SLC30A6: variants seen among roughly 807,000 people sequenced by gnomAD.
SLC30A6 encodes the protein solute carrier family 30 member 6.
SLC30A6 carries 55 observed loss-of-function variants against 63.0 expected under a neutral mutation model. That is an observed-to-expected ratio of 0.87 (90% CI 0.70 to 1.09). SLC30A6 has a LOEUF of 1.09. Ranked by LOEUF, SLC30A6 falls within the 50% of genes least tolerant of loss-of-function variation. SLC30A6 has a pLI of 0.00. For missense variants in SLC30A6, 587 were observed against 549.2 expected (o/e 1.07, Z -0.69); for synonymous variants, 224 against 186.1 (o/e 1.20, Z -1.66).
chr2:32,210,536 A>AAC (rs1685172858), intron 13 of SLC30A6, among the ~76,000 whole-genome samples: 1 of 141,140 alleles, frequency 7.1e-6, no homozygotes, highest in African/African-American at 2.6e-5. Flanking sequence ...AAAAAAAAAA[A>AAC]AACAACAGAA....
rs554951269 is a variant in SLC30A6 at position 32,180,520 on chromosome 2, C to A, written c.219-3753C>A. Reference sequence around the variant, plus strand: ...CTTGGCTCACTGCATGCAGCCTCCACCTCCCGGTCTCAAGCGATTCTCCTG... The same window carrying A: ...CTTGGCTCACTGCATGCAGCCTCCAACTCCCGGTCTCAAGCGATTCTCCTG... On this transcript the variant is annotated intron_variant, in intron 4 of 13. Coordinates refer to ENST00000282587, the MANE Select transcript of SLC30A6 (RefSeq NM_017964.5). Among the ~76,000 whole-genome samples, 10 of 152,270 alleles carry A rather than the reference C, an allele frequency of 6.6e-5. 1 individual carries two copies. In the South Asian group the frequency reaches 2.1e-3, roughly 32 times the overall value.
Position 32,192,820 on chromosome 2 carries a change from G to T in SLC30A6, c.366-98G>T, listed in dbSNP as rs541888864. On this transcript the variant is annotated intron_variant, in intron 6 of 13. Transcript: ENST00000282587. ...ATAGTTAATAGTTATAATATTAAAA[G>T]ATTTTGTGAACTTTAAGGTGGGTGA... 12 of 713,402 alleles carry T rather than the reference G, an allele frequency of 1.7e-5. No homozygotes were observed. In the African/African-American group the frequency reaches 2.2e-4, roughly 13 times the overall value. 44.2% of individuals were successfully genotyped at this position (713,402 alleles called of 1,614,324 possible).
At chr2:32,179,001 A>G (rs1264575506) in intron 4 of SLC30A6, among the ~76,000 whole-genome samples, 3 of 152,172 alleles carry the variant, frequency 2.0e-5, no homozygotes, top group Non-Finnish European at 2.9e-5. Flanking sequence ...GTGGTACCAC[A>G]GGCTTGTGCC....
At chr2:32,192,182 C>T (rs1683388077) in intron 5 of SLC30A6, among the ~76,000 whole-genome samples, 154 bp from the exon 6 acceptor site, 1 of 151,870 alleles carries the variant, frequency 6.6e-6, no homozygotes, top group Non-Finnish European at 1.5e-5. Flanking sequence ...TATTATTATT[C>T]TAGAAACCCT....
chr2:32,203,033 A>G, intron 10 of SLC30A6: 5 of 1,228,880 alleles, frequency 4.1e-6, no homozygotes, highest in Non-Finnish European at 4.8e-6. Context: ...ATCCACACAT[A>G]AAACAGAATG....
chr2:32,221,665 G>A lies in SLC30A6; in HGVS notation c.*952G>A, dbSNP rs549097313. On this transcript the variant is annotated 3_prime_UTR_variant, in exon 14 of 14. Transcript: ENST00000282587. ...GAAATTTTGGAATACATTCTATCTA[G>A]CACAATTTGAATTTTTAATTATCAA... is the stretch of plus-strand genomic sequence containing the variant. The A allele has an allele frequency of 9.2e-5, 14 of 152,164 alleles. No individual in the cohort carries two copies. The highest frequency in any genetic ancestry group is 2.0e-4 in the Admixed American group (3 of 15,278). The allele number at this position is 152,164 out of a possible 1,614,324, so 9.4% of individuals were successfully genotyped here. A position where few individuals can be genotyped will look rare whatever the true frequency, so the allele number is the denominator to read the frequency against.
chr2:32,188,608 C>CA (rs1483897193), intron 5 of SLC30A6, among the ~76,000 whole-genome samples: 1 of 152,258 alleles, frequency 6.6e-6, no homozygotes, highest in East Asian at 1.9e-4. Flanking sequence ...GCAGGAGAAT[C>CA]ACTTGAGACC....
In SLC30A6 at chr2:32,178,837, T is replaced by A. The variant is rs908278085; in HGVS notation, c.218+3476T>A. On this transcript the variant is annotated intron_variant, in intron 4 of 13. Transcript: ENST00000282587. The stretch of plus-strand genomic sequence containing the variant: ...TGTAGTAAGTTTTGAAATTGGAAAG[T>A]GTGGATATTCCAGCTTTGTTCTTTT... Among the ~76,000 whole-genome samples, 3 of 152,220 alleles carry A rather than the reference T, an allele frequency of 2.0e-5. No homozygotes were observed. In the East Asian group the frequency reaches 5.8e-4, roughly 29 times the overall value.
At chr2:32,171,402 T>G (rs768453562) in intron 2 of SLC30A6, 29 bp downstream of exon 2, 1 of 1,538,264 alleles carries the variant, frequency 6.5e-7, no homozygotes, top group Non-Finnish European at 9.0e-7. Context: ...CCAATTTTAA[T>G]TATTGCACAA....
At chr2:32,174,306 A>G (rs890379211) in intron 3 of SLC30A6, among the ~76,000 whole-genome samples, 159 bp downstream of exon 3, 1 of 152,094 alleles carries the variant, frequency 6.6e-6, no homozygotes, top group African/African-American at 2.4e-5. Flanking sequence ...GTAAACTGTA[A>G]ACTTTTGTTC....
chr2:32,212,717 C>T (rs1685358439), intron 13 of SLC30A6, among the ~76,000 whole-genome samples: 1 of 150,792 alleles, frequency 6.6e-6, no homozygotes, highest in Admixed American at 6.6e-5. Flanking sequence ...TCACCTCAGC[C>T]TCCCCAGTAG....
chr2:32,211,248 C>T (rs1289332690), intron 13 of SLC30A6, among the ~76,000 whole-genome samples: 1 of 152,170 alleles, frequency 6.6e-6, no homozygotes, highest in African/African-American at 2.4e-5. Context: ...GTGGGGGACC[C>T]ACCACACTAC....
intron 5 of SLC30A6, among the ~76,000 whole-genome samples, chr2:32,191,664 C>T (rs1379612623): frequency 6.6e-6 from 1 of 152,130 alleles, no homozygotes; most frequent in Non-Finnish European, 1.5e-5. Flanking sequence ...AAACCTTCTA[C>T]TTGCTATCTA....
rs192298462 is a variant in SLC30A6, at chr2:32,179,341, T to C, written c.218+3980T>C. 2.6e-5 allele frequency among the ~76,000 whole-genome samples: 4 copies of C among 152,282 alleles called. No individual in the cohort carries two copies. The East Asian group carries it at 7.7e-4, about 29-fold the overall frequency. ...TAAAAATGAGTTGCATATGAGATTA[T>C]TCAGTACAAAAGATTGGAAACAATC... On this transcript the variant is annotated intron_variant, in intron 4 of 13. Coordinates refer to ENST00000282587, the MANE Select transcript of SLC30A6 (RefSeq NM_017964.5).
intron 4 of SLC30A6, among the ~76,000 whole-genome samples, chr2:32,182,174 T>G (rs993107488): frequency 3.9e-5 from 6 of 151,986 alleles, no homozygotes; most frequent in African/African-American, 1.4e-4. Flanking sequence ...GGCTCTCAAG[T>G]GATCCACCTG....
At position 32,174,159 on chromosome 2, in the gene SLC30A6, T is replaced by C. The variant is rs981808831; in HGVS notation, c.175+12T>C. ...TACTAATAGTATAGGTATGTCACCT[T>C]TGTATTTTTATGGAGTTGTTATTTT... On this transcript the variant is annotated intron_variant, in intron 3 of 13. Transcript: ENST00000282587. 4.4e-6 allele frequency: 7 copies of C among 1,595,650 alleles called. No homozygotes were observed. The highest frequency in any genetic ancestry group is 1.7e-4 in the Middle Eastern group (1 of 5,998).
intron 4 of SLC30A6, among the ~76,000 whole-genome samples, chr2:32,179,682 A>T (rs566039274): frequency 6.6e-5 from 10 of 152,342 alleles, no homozygotes; most frequent in Non-Finnish European, 1.3e-4. Flanking sequence ...AAAAAGCAAG[A>T]TACACAACAG....
chr2:32,202,117 G>T, intron 10 of SLC30A6: 2 of 744,398 alleles, frequency 2.7e-6, no homozygotes, highest in Non-Finnish European at 4.4e-6. Flanking sequence ...ACAGAAAGAA[G>T]GAACCTTCTC....
At chr2:32,216,585 T>A (rs1021963829) in intron 13 of SLC30A6, among the ~76,000 whole-genome samples, 22 of 143,220 alleles carry the variant, frequency 1.5e-4, no homozygotes, top group Non-Finnish European at 3.0e-4. Context: ...AAATAAATAA[T>A]AATAATGATA....
Sources: allele counts gnomAD v4.1 joint callset (sites outside exome capture counted in the v4.1 genomes callset), GRCh38; gene constraint gnomAD v4.1.1; transcripts MANE v1.5; gene names NCBI Gene and HGNC (gene_info 2026-07-23, HGNC 2026-07-21).